TADA2B: variants seen among roughly 807,000 people sequenced by gnomAD.
TADA2B encodes transcriptional adapter 2-beta.
TADA2B carries 13 observed loss-of-function variants against 34.5 expected under a neutral mutation model. The observed-to-expected ratio is 0.38, with a 90% CI of 0.25 to 0.60. The LOEUF (loss-of-function observed/expected upper bound fraction) is 0.60. TADA2B is among the 20% of genes least tolerant of loss of function. The pLI is 0.65. For synonymous variants in TADA2B, 240 were observed against 243.4 expected, an observed-to-expected ratio of 0.99 and a Z score of 0.13; for missense variants, 442 against 575.0, an observed-to-expected ratio of 0.77 and a Z score of 2.37.
intron 1 of TADA2B, among the ~76,000 whole-genome samples, chr4:7,051,701 C>G (rs1723773275): frequency 1.3e-5 from 2 of 152,040 alleles, no homozygotes; most frequent in South Asian, 2.1e-4. Context: ...GGGTTCACGC[C>G]ATTCTCCTGC....
rs1005565982 is a variant in TADA2B, at chr4:7,051,799, A to G, written c.271-2263A>G. Among the ~76,000 whole-genome samples, 5 of 152,220 alleles carry G rather than the reference A, an allele frequency of 3.3e-5. No individual in the cohort carries two copies. In the South Asian group the frequency reaches 6.2e-4, roughly 19 times the overall value. The stretch of plus-strand genomic sequence containing the variant: ...TTTTTAGTAGAGACGGGGTTTCACC[A>G]TGTTAGCCAGGATGGTCTCGATCTC... On this transcript the variant is annotated intron_variant, in intron 1 of 1. Transcript: ENST00000310074.
intron 1 of TADA2B, chr4:7,045,783 TCTTAA>T (rs1338468473): frequency 6.6e-6 from 1 of 152,264 alleles, no homozygotes; most frequent in Non-Finnish European, 1.5e-5. Flanking sequence ...GAGCCTGTAC[TCTTAA>T]CTTCACTGTC....
Position 7,054,214 on chromosome 4 carries a change from C to T in TADA2B, c.423C>T (p.Gly141=), listed in dbSNP as rs770364188. The part of the protein sequence containing the change: ...RVTDHTCPSG[G]PLSPSLTTPL... ...CAGACCACACCTGTCCCAGCGGAGG[C>T]CCCCTCTCACCCAGCCTCACCACCC... The change falls in exon 2 of 2, where the codon GGC becomes GGT. Residue 141 remains glycine, a synonymous_variant. Transcript: ENST00000310074. 2.4e-5 allele frequency: 39 copies of T among 1,606,410 alleles called. No homozygotes were observed. The African/African-American group carries it at 4.0e-4, about 17-fold the overall frequency.
Position 7,043,533 on chromosome 4 carries a change from G to A in TADA2B, c.-47G>A. The A allele has an allele frequency of 4.6e-6, 5 of 1,091,196 alleles. No individual in the cohort carries two copies. Among genetic ancestry groups the A allele is most frequent in the Non-Finnish European group, 5.6e-6 (5 of 895,168 alleles). 67.6% of individuals were successfully genotyped at this position (1,091,196 alleles called of 1,614,324 possible). A position where few individuals can be genotyped will look rare whatever the true frequency, so the allele number is the denominator to read the frequency against. Reference sequence around the variant, plus strand: ...GGCGGCGGGGCGCTGACGGCCGGGGGCGCGGCGGCTGCGGCGGGCCGGGCG... The same window carrying A: ...GGCGGCGGGGCGCTGACGGCCGGGGACGCGGCGGCTGCGGCGGGCCGGGCG... On this transcript the variant is annotated 5_prime_UTR_variant, in exon 1 of 2. Transcript: ENST00000310074.
In TADA2B at chr4:7,057,456, A is replaced by T. The variant is rs1396067768; in HGVS notation, c.*2402A>T. 2.0e-5 allele frequency: 3 copies of T among 152,200 alleles called. No homozygotes were observed. Among genetic ancestry groups the T allele is most frequent in the Admixed American group, 6.5e-5 (1 of 15,284 alleles). 9.4% of individuals were successfully genotyped at this position (152,200 alleles called of 1,614,324 possible). ...CTCCACATTTTTATATTTAATTCTC[A>T]TGATAAATTAGCCACCATAATCCCA... On this transcript the variant is annotated 3_prime_UTR_variant, in exon 2 of 2. Transcript: ENST00000310074.
chr4:7,051,832 C>G (rs1407192980), intron 1 of TADA2B, among the ~76,000 whole-genome samples: 1 of 152,162 alleles, frequency 6.6e-6, no homozygotes, highest in Non-Finnish European at 1.5e-5. Flanking sequence ...CTCCTGACCT[C>G]GTGATCCGCC....
intron 1 of TADA2B, among the ~76,000 whole-genome samples, chr4:7,044,442 C>T (rs572244165): frequency 4.6e-5 from 7 of 152,328 alleles, no homozygotes; most frequent in African/African-American, 1.7e-4. Flanking sequence ...ACAAAGAGGC[C>T]TGGCCTGGGA....
Position 7,055,016 on chromosome 4 carries a change from C to T in TADA2B, c.1225C>T (p.Leu409Phe), listed in dbSNP as rs1723856919. The stretch of plus-strand genomic sequence containing the variant: ...CCTAAAGAAAAGGATTTTGAATTTC[C>T]TCACAGAAAGCGGCTGGATCTCCAG... The part of the protein sequence containing the change: ...KVLKKRILNF[L>F]TESGWISRDA... Residue 409 changes from leucine to phenylalanine, a missense_variant, in exon 2 of 2, where the codon CTC becomes TTC. By Grantham distance (22) the Leu-to-Phe change is conservative. This residue lies in a region of TADA2B where 114 missense variants were observed against 144.7 expected (regional missense o/e 0.79). Transcript: ENST00000310074. 2 of 1,611,972 alleles carry T rather than the reference C, an allele frequency of 1.2e-6. No individual in the cohort carries two copies. The highest frequency in any genetic ancestry group is 1.3e-5 in the African/African-American group (1 of 74,686).
intron 1 of TADA2B, among the ~76,000 whole-genome samples, chr4:7,048,074 C>T (rs1292184425): frequency 2.0e-5 from 3 of 152,204 alleles, no homozygotes; most frequent in Admixed American, 6.5e-5. Context: ...CCAGCCATGC[C>T]GCAGGATCCC....
chr4:7,048,001 G>A (rs575296523), intron 1 of TADA2B, among the ~76,000 whole-genome samples: 1 of 152,314 alleles, frequency 6.6e-6, no homozygotes, highest in South Asian at 2.1e-4. Context: ...GGTGATGTGG[G>A]AACGTGGAAT....
chr4:7,055,295 A>G lies in TADA2B; in HGVS notation c.*241A>G, dbSNP rs561531888. 30 of 512,304 alleles carry G rather than the reference A, an allele frequency of 5.9e-5. No individual in the cohort carries two copies. The highest frequency in any genetic ancestry group is 7.2e-5 in the Non-Finnish European group (21 of 290,748). The allele number at this position is 512,304 out of a possible 1,614,324, so 31.7% of individuals were successfully genotyped here. On this transcript the variant is annotated 3_prime_UTR_variant, in exon 2 of 2. Coordinates refer to ENST00000310074, the MANE Select transcript of TADA2B (RefSeq NM_152293.3). ...TTCCTGCGAGTCATACACTGCGATG[A>G]TGCTCCGCCTTTACCCGTTCAGTTG... is the stretch of plus-strand genomic sequence containing the variant.
chr4:7,048,344 C>G (rs1033332934), intron 1 of TADA2B, among the ~76,000 whole-genome samples: 1 of 152,060 alleles, frequency 6.6e-6, no homozygotes, highest in Admixed American at 6.5e-5. Context: ...CAGAGGTGGT[C>G]TCCAACTCCA....
At position 7,043,542 on chromosome 4, in the gene TADA2B, C is replaced by A. The variant is rs1014601605; in HGVS notation, c.-38C>A. ...GCGCTGACGGCCGGGGGCGCGGCGGCTGCGGCGGGCCGGGCGGCGGGCGGC... is the reference window on the plus strand; with the variant it reads ...GCGCTGACGGCCGGGGGCGCGGCGGATGCGGCGGGCCGGGCGGCGGGCGGC... On this transcript the variant is annotated 5_prime_UTR_variant, in exon 1 of 2. In the 5' UTR this introduces an upstream ATG that the reference lacks. Coordinates refer to ENST00000310074, the MANE Select transcript of TADA2B (RefSeq NM_152293.3). 5 of 1,164,502 alleles carry A rather than the reference C, an allele frequency of 4.3e-6. No homozygotes were observed. In the East Asian group the frequency reaches 1.1e-4, roughly 26 times the overall value. 72.1% of individuals were successfully genotyped at this position (1,164,502 alleles called of 1,614,324 possible).
Position 7,055,010 on chromosome 4 carries a change from A to G in TADA2B, c.1219A>G (p.Asn407Asp), listed in dbSNP as rs750073040. Reference protein sequence around the residue: ...LDKVLKKRILNFLTESGWISR... With the variant: ...LDKVLKKRILDFLTESGWISR... ...CAAAGTCCTAAAGAAAAGGATTTTG[A>G]ATTTCCTCACAGAAAGCGGCTGGAT... The change falls in exon 2 of 2, where the codon AAT becomes GAT. Residue 407 changes from asparagine to aspartate, a missense_variant. Physicochemically the swap from Asn to Asp is conservative, Grantham distance 23. This residue lies in a region of TADA2B where 114 missense variants were observed against 144.7 expected (regional missense o/e 0.79). Transcript: ENST00000310074. 1 of 1,611,916 alleles carries G rather than the reference A, an allele frequency of 6.2e-7. No individual in the cohort carries two copies. Among genetic ancestry groups the G allele is most frequent in the Non-Finnish European group, 8.5e-7 (1 of 1,179,438 alleles).
In TADA2B at chr4:7,054,245, C is replaced by T. The variant is rs533207566; in HGVS notation, c.454C>T (p.Pro152Ser). 1.2e-6 allele frequency: 2 copies of T among 1,610,362 alleles called. No homozygotes were observed. The highest frequency in any genetic ancestry group is 2.2e-5 in the South Asian group (2 of 90,634). The change falls in exon 2 of 2, where the codon CCC (proline) becomes TCC (serine). Residue 152 changes from proline (P) to serine (S), a missense_variant. Physicochemically the swap from Pro to Ser is moderately conservative, Grantham distance 74. Coordinates refer to ENST00000310074, the MANE Select transcript of TADA2B (RefSeq NM_152293.3). ...CTCACCCAGCCTCACCACCCCGCTGCCCCCGCTGGACATCTCTGTGGCTGA... is the reference window on the plus strand; with the variant it reads ...CTCACCCAGCCTCACCACCCCGCTGTCCCCGCTGGACATCTCTGTGGCTGA... ...PLSPSLTTPL[P>S]PLDISVAEQQ...
intron 1 of TADA2B, among the ~76,000 whole-genome samples, chr4:7,048,685 A>G (rs1222285935): frequency 6.6e-6 from 1 of 152,204 alleles, no homozygotes; most frequent in African/African-American, 2.4e-5. Context: ...AGCCACCTCC[A>G]GAATTTTGTC....
In TADA2B at chr4:7,056,010, C is replaced by A. The variant is rs1217222176; in HGVS notation, c.*956C>A. On this transcript the variant is annotated 3_prime_UTR_variant, in exon 2 of 2. Coordinates refer to ENST00000310074, the MANE Select transcript of TADA2B (RefSeq NM_152293.3). ...CTGGCGTCAGCTTCCTCAGGATTTT[C>A]TTCAGTTGCAAGTACCTTTCCACTG... 1.3e-5 allele frequency: 2 copies of A among 152,320 alleles called. No homozygotes were observed. Among genetic ancestry groups the A allele is most frequent in the Admixed American group, 1.3e-4 (2 of 15,284 alleles). The allele number at this position is 152,320 out of a possible 1,614,324, so 9.4% of individuals were successfully genotyped here. A position where few individuals can be genotyped will look rare whatever the true frequency, so the allele number is the denominator to read the frequency against.
chr4:7,047,772 C>A (rs973656630), intron 1 of TADA2B, among the ~76,000 whole-genome samples: 3 of 152,172 alleles, frequency 2.0e-5, no homozygotes, highest in African/African-American at 7.2e-5. Context: ...TATTCAGGGC[C>A]AGGCAAAAGC....
chr4:7,052,780 A>G (rs897759790), intron 1 of TADA2B: 1 of 152,228 alleles, frequency 6.6e-6, no homozygotes, highest in Non-Finnish European at 1.5e-5. Flanking sequence ...CATTGTCCCC[A>G]AAGACCAGAA....
Sources: allele counts gnomAD v4.1 joint callset (sites outside exome capture counted in the v4.1 genomes callset), GRCh38; gene constraint gnomAD v4.1.1; regional missense constraint gnomAD v4.1.1; transcripts MANE v1.5; gene names NCBI Gene and HGNC (gene_info 2026-07-23, HGNC 2026-07-21).